PHF2: variants seen among roughly 807,000 people sequenced by gnomAD.
PHF2 encodes the protein PHD finger protein 2.
In PHF2, 27 loss-of-function variants were observed where a neutral mutation model predicts 120.5. The observed-to-expected ratio is 0.22, with a 90% CI of 0.17 to 0.31. The LOEUF (loss-of-function observed/expected upper bound fraction) is 0.31. PHF2 is among the 10% of genes least tolerant of loss of function. PHF2 has a pLI of 1.00. For synonymous variants in PHF2, 568 were observed against 592.5 expected (o/e 0.96, Z 0.60); for missense variants, 1,024 against 1,434.8 (o/e 0.71, Z 4.63).
Position 93,676,775 on chromosome 9 carries a change from A to T in PHF2, c.3014A>T (p.Gln1005Leu). The change falls in exon 21 of 22, where the codon CAG becomes CTG. Residue 1005 changes from glutamine (Q) to leucine (L), a missense_variant. By Grantham distance (113) the Gln-to-Leu change is moderately radical. Transcript: ENST00000359246. The part of the protein sequence containing the change: ...STSTASSQAS[Q>L]EGSSPEPPPE... The stretch of plus-strand genomic sequence containing the variant: ...AGCACGGCCAGCAGCCAGGCCTCGC[A>T]GGAGGGCAGCTCGCCAGAGCCCCCG... 1 of 1,551,902 alleles carries T rather than the reference A, an allele frequency of 6.4e-7. No homozygotes were observed. Among genetic ancestry groups the T allele is most frequent in the Non-Finnish European group, 8.7e-7 (1 of 1,147,754 alleles).
chr9:93,662,533 C>CGGAT (rs138382841), intron 12 of PHF2, among the ~76,000 whole-genome samples: 6,891 of 111,844 alleles, frequency 0.062, 376 homozygotes, highest in African/African-American at 0.16. Flanking sequence ...GATGGGTGGG[C>CGGAT]GGATGGATGG....
intron 5 of PHF2, among the ~76,000 whole-genome samples, chr9:93,651,098 TAA>T (rs59504471): frequency 7.2e-6 from 1 of 138,912 alleles, no homozygotes; most frequent in Non-Finnish European, 1.5e-5. Flanking sequence ...TTTTAAAAAT[TAA>T]AAAAAAAAAA....
intron 3 of PHF2, among the ~76,000 whole-genome samples, chr9:93,637,163 G>T (rs1039069061): frequency 6.6e-6 from 1 of 152,096 alleles, no homozygotes; most frequent in South Asian, 2.1e-4. Context: ...AAGTTGGTGG[G>T]TTTTTTTTCT....
chr9:93,591,049 C>T (rs936016249), intron 1 of PHF2, among the ~76,000 whole-genome samples: 6 of 152,182 alleles, frequency 3.9e-5, no homozygotes, highest in Non-Finnish European at 8.8e-5. Context: ...TGTGACCCTC[C>T]GAGGGATCCA....
intron 1 of PHF2, among the ~76,000 whole-genome samples, chr9:93,607,142 C>T (rs55934002): frequency 0.069 from 10,483 of 152,210 alleles, 552 homozygotes; most frequent in Admixed American, 0.14. Context: ...GAGTGTCAGT[C>T]CTCTGACTTT....
At chr9:93,657,515 A>G (rs1211227122) in intron 9 of PHF2, among the ~76,000 whole-genome samples, 3 of 152,180 alleles carry the variant, frequency 2.0e-5, no homozygotes, top group African/African-American at 7.2e-5. Context: ...CAGCCTGACT[A>G]CTGGCCAGCC....
chr9:93,584,874 C>G (rs1198812233), intron 1 of PHF2, among the ~76,000 whole-genome samples: 1 of 152,148 alleles, frequency 6.6e-6, no homozygotes, highest in African/African-American at 2.4e-5. Flanking sequence ...CGTGGGATAC[C>G]TTTTCACTTA....
intron 14 of PHF2, among the ~76,000 whole-genome samples, chr9:93,663,933 C>T (rs534471053): frequency 1.1e-4 from 16 of 152,336 alleles, no homozygotes; most frequent in African/African-American, 3.6e-4. Flanking sequence ...CAGGCCTAGA[C>T]ACCAGCAGAG....
chr9:93,675,721 C>A lies in PHF2; in HGVS notation c.2764C>A (p.Arg922Ser). The change falls in exon 20 of 22, where the codon CGT (arginine) becomes AGT (serine). Residue 922 changes from arginine to serine, a missense_variant. This residue lies in a region of PHF2 where 677 missense variants were observed against 857.4 expected (regional missense o/e 0.79). Transcript: ENST00000359246. Reference sequence around the variant, plus strand: ...GGTGCCAAGACAGGACAGGCCTGTGCGTGAGGGTACACGGGTGGCTTCCAT... The same window carrying A: ...GGTGCCAAGACAGGACAGGCCTGTGAGTGAGGGTACACGGGTGGCTTCCAT... The part of the protein sequence containing the change: ...PSVPRQDRPV[R>S]EGTRVASIET... 1 of 1,613,194 alleles carries A rather than the reference C, an allele frequency of 6.2e-7. No homozygotes were observed. Among genetic ancestry groups the A allele is most frequent in the Non-Finnish European group, 8.5e-7 (1 of 1,179,890 alleles).
At chr9:93,617,729 C>A (rs1178721718) in intron 1 of PHF2, among the ~76,000 whole-genome samples, 3 of 152,190 alleles carry the variant, frequency 2.0e-5, no homozygotes, top group Non-Finnish European at 2.9e-5. Flanking sequence ...GCAAGGAAAG[C>A]CATCCGAGTC....
intron 1 of PHF2, among the ~76,000 whole-genome samples, chr9:93,602,247 C>CTTTTTTTTTTTTTTTT (rs67001312): frequency 2.5e-5 from 2 of 79,672 alleles, no homozygotes; most frequent in Non-Finnish European, 4.4e-5. Flanking sequence ...CCTAGAGATT[C>CTTTTTTTTTTTTTTTT]TTTTTTTTTT....
intron 6 of PHF2, among the ~76,000 whole-genome samples, chr9:93,653,836 G>A (rs1826411114): frequency 6.6e-6 from 1 of 152,206 alleles, no homozygotes; most frequent in South Asian, 2.1e-4. Flanking sequence ...GAAACCCTAA[G>A]CTGTGGGCTC....
intron 4 of PHF2, among the ~76,000 whole-genome samples, chr9:93,647,185 G>A (rs796454816): frequency 2.0e-5 from 3 of 152,326 alleles, no homozygotes; most frequent in African/African-American, 7.2e-5. Context: ...CTGGCATGGT[G>A]CACACAGGAT....
chr9:93,598,813 C>T (rs1825379571), intron 1 of PHF2, among the ~76,000 whole-genome samples: 1 of 152,152 alleles, frequency 6.6e-6, no homozygotes, highest in African/African-American at 2.4e-5. Context: ...TTTTAATCAC[C>T]TCCAGCTCAT....
At chr9:93,610,128 T>C (rs906427581) in intron 1 of PHF2, among the ~76,000 whole-genome samples, 8 of 152,166 alleles carry the variant, frequency 5.3e-5, no homozygotes, top group African/African-American at 1.9e-4. Flanking sequence ...TTCCTGGATC[T>C]GTGGTTTGCT....
In PHF2 at chr9:93,674,859, C is replaced by G. The variant is rs929798904; in HGVS notation, c.2627-68C>G. 2.8e-5 allele frequency: 32 copies of G among 1,133,090 alleles called. 1 individual carries two copies. Among genetic ancestry groups the G allele is most frequent in the Non-Finnish European group, 1.2e-5 (9 of 750,964 alleles). 70.2% of individuals were successfully genotyped at this position (1,133,090 alleles called of 1,614,324 possible). A position where few individuals can be genotyped will look rare whatever the true frequency, so the allele number is the denominator to read the frequency against. Reference sequence around the variant, plus strand: ...GAGGAAGGTCTGCAGCCACCTGTACCCCCCCGCCCTCCTCCGTGGACCTGC... The same window carrying G: ...GAGGAAGGTCTGCAGCCACCTGTACGCCCCCGCCCTCCTCCGTGGACCTGC... On this transcript the variant is annotated intron_variant, in intron 18 of 21. Transcript: ENST00000359246.
At chr9:93,666,614 A>G (rs999469116) in intron 16 of PHF2, among the ~76,000 whole-genome samples, 3 of 152,246 alleles carry the variant, frequency 2.0e-5, no homozygotes, top group African/African-American at 7.2e-5. Flanking sequence ...AATGTTCATT[A>G]GAAGGGCAGC....
chr9:93,616,616 G>T (rs1024708909), intron 1 of PHF2, among the ~76,000 whole-genome samples: 1 of 151,278 alleles, frequency 6.6e-6, no homozygotes, highest in Non-Finnish European at 1.5e-5. Flanking sequence ...AGTGAAAGAG[G>T]CCACTTCTTT....
At chr9:93,633,816 C>A in intron 2 of PHF2, among the ~76,000 whole-genome samples, 1 of 152,048 alleles carries the variant, frequency 6.6e-6, no homozygotes, top group East Asian at 1.9e-4. Flanking sequence ...GGGAGGACGC[C>A]CCCACCCTGC....
Sources: allele counts gnomAD v4.1 joint callset (sites outside exome capture counted in the v4.1 genomes callset), GRCh38; gene constraint gnomAD v4.1.1; regional missense constraint gnomAD v4.1.1; transcripts MANE v1.5; gene names NCBI Gene and HGNC (gene_info 2026-07-23, HGNC 2026-07-21).